Variants in ABHD12 observed in about 807,000 individuals in gnomAD.
ABHD12 encodes abhydrolase domain containing 12, lysophospholipase, also known as lysophosphatidylserine lipase ABHD12.
In ABHD12, 43 loss-of-function variants were observed where a neutral mutation model predicts 58.3. The observed-to-expected ratio is 0.74, with a 90% CI of 0.58 to 0.95. The LOEUF is 0.95. Ranked by LOEUF, ABHD12 falls within the 40% of genes least tolerant of loss-of-function variation. The pLI, the probability that ABHD12 is intolerant of heterozygous loss-of-function variation, is 0.00. For synonymous variants in ABHD12, 219 were observed against 211.2 expected (o/e 1.04, Z -0.32); for missense variants, 539 against 537.2 (o/e 1.00, Z -0.03).
At chr20:25,324,912 C>G (rs1042211324) in intron 2 of ABHD12, among the ~76,000 whole-genome samples, 28 of 152,140 alleles carry the variant, frequency 1.8e-4, no homozygotes, top group Non-Finnish European at 3.2e-4. Flanking sequence ...TCCAGCTGAG[C>G]CAGGCTGCAC....
chr20:25,309,217 C>T (rs868335654), intron 7 of ABHD12, among the ~76,000 whole-genome samples: 2 of 152,152 alleles, frequency 1.3e-5, no homozygotes, highest in Admixed American at 6.5e-5. Flanking sequence ...ACCCCTCGAC[C>T]TCCACTGCCT....
At chr20:25,304,096 C>A (rs2088690608) in intron 10 of ABHD12, among the ~76,000 whole-genome samples, 1 of 152,248 alleles carries the variant, frequency 6.6e-6, no homozygotes, top group Non-Finnish European at 1.5e-5. Context: ...CTTCAGCAAA[C>A]CACATAACAG....
chr20:25,299,006 T>A (rs1262624592), downstream of ABHD12, among the ~76,000 whole-genome samples: 6 of 152,172 alleles, frequency 3.9e-5, no homozygotes, highest in Admixed American at 6.5e-5. Context: ...GCACCCTGGG[T>A]AGGGCACTTG....
At chr20:25,308,922 G>C (rs2088797512) in intron 7 of ABHD12, among the ~76,000 whole-genome samples, 1 of 152,186 alleles carries the variant, frequency 6.6e-6, no homozygotes, top group African/African-American at 2.4e-5. Context: ...CTCCTCTCCT[G>C]ATGCTTCCCA....
chr20:25,327,428 T>C (rs1347678798), intron 2 of ABHD12, among the ~76,000 whole-genome samples: 5 of 151,246 alleles, frequency 3.3e-5, no homozygotes, highest in African/African-American at 4.9e-5. Context: ...GATCACGCCA[T>C]TGCACTTCAG....
At chr20:25,296,918 T>C (rs1476822306), downstream of ABHD12, 2 of 179,272 alleles carry the variant, frequency 1.1e-5, no homozygotes, top group African/African-American at 2.4e-5. Context: ...GTGGCCATAG[T>C]GAAGCCTGGG....
At chr20:25,349,079 G>A (rs2089561582) in intron 1 of ABHD12, among the ~76,000 whole-genome samples, 1 of 139,002 alleles carries the variant, frequency 7.2e-6, no homozygotes, top group Non-Finnish European at 1.5e-5. Context: ...GCGAGACTCC[G>A]TCTCAAAAAA....
chr20:25,334,899 G>A (rs563231760), intron 2 of ABHD12, among the ~76,000 whole-genome samples: 1 of 151,234 alleles, frequency 6.6e-6, no homozygotes, highest in South Asian at 2.1e-4. Context: ...GCATGGGCAA[G>A]GACTTCATGT....
At chr20:25,372,394 C>A (rs897365418) in intron 1 of ABHD12, among the ~76,000 whole-genome samples, 2 of 152,088 alleles carry the variant, frequency 1.3e-5, no homozygotes, top group Non-Finnish European at 2.9e-5. Context: ...TAAAACATAG[C>A]CAGTTTGGCT....
intron 2 of ABHD12, among the ~76,000 whole-genome samples, chr20:25,333,254 C>T (rs1394529955): frequency 8.7e-6 from 1 of 115,048 alleles, no homozygotes; most frequent in East Asian, 1.9e-4. Context: ...AAGACTAAAC[C>T]AGGAAGAAAT....
intron 1 of ABHD12, among the ~76,000 whole-genome samples, chr20:25,347,336 C>G (rs924799858): frequency 2.6e-5 from 4 of 152,214 alleles, no homozygotes; most frequent in Non-Finnish European, 4.4e-5. Flanking sequence ...CTCTCCTGGA[C>G]TGCAACCATT....
intron 1 of ABHD12, among the ~76,000 whole-genome samples, chr20:25,369,916 T>C (rs2089876883): frequency 8.1e-6 from 1 of 122,930 alleles, no homozygotes; most frequent in Non-Finnish European, 1.6e-5. Context: ...CCTGTTTCTC[T>C]GTCTCTGTTA....
intron 1 of ABHD12, among the ~76,000 whole-genome samples, chr20:25,346,450 T>C (rs1372920263): frequency 6.6e-6 from 1 of 152,152 alleles, no homozygotes; most frequent in Non-Finnish European, 1.5e-5. Context: ...GAGTGAACCC[T>C]ACTTAATGCA....
chr20:25,327,090 C>A (rs1223876608), intron 2 of ABHD12, among the ~76,000 whole-genome samples: 2 of 152,234 alleles, frequency 1.3e-5, no homozygotes, highest in Non-Finnish European at 2.9e-5. Context: ...CCCCACTACA[C>A]CCCTGGCCAG....
In ABHD12 at chr20:25,362,313, A is replaced by G. The variant is rs113842608; in HGVS notation, c.192-22962T>C. 6.9e-3 allele frequency among the ~76,000 whole-genome samples: 1,050 copies of G among 152,000 alleles called. 5 individuals are homozygous for G. Among genetic ancestry groups the G allele is most frequent in the Middle Eastern group, 0.02 (6 of 294 alleles). On this transcript the variant is annotated intron_variant, in intron 1 of 12. Coordinates refer to ENST00000339157, the MANE Select transcript of ABHD12 (RefSeq NM_001042472.3). ...GAAAAGGCCGGGCACAGTGGCTTAC[A>G]ATCCCAGCACTTTGGGAGGCCCAGC...
At chr20:25,306,671 G>A (rs867397650) in intron 10 of ABHD12, among the ~76,000 whole-genome samples, 162 bp downstream of exon 10, 17 of 152,216 alleles carry the variant, frequency 1.1e-4, no homozygotes, top group Non-Finnish European at 1.8e-4. Flanking sequence ...TGTGAACCAC[G>A]GTCCCTAGCA....
At chr20:25,316,068 G>GA (rs1271003967) in intron 5 of ABHD12, among the ~76,000 whole-genome samples, 1 of 152,104 alleles carries the variant, frequency 6.6e-6, no homozygotes, top group Non-Finnish European at 1.5e-5. Context: ...TGTGTGCCTG[G>GA]AAGCTGATTC....
intron 2 of ABHD12, among the ~76,000 whole-genome samples, chr20:25,335,228 G>A (rs1410243340): frequency 6.6e-5 from 10 of 152,300 alleles, no homozygotes; most frequent in South Asian, 4.1e-4. Context: ...ACTGGCCATT[G>A]GAGAAATGCA....
intron 1 of ABHD12, among the ~76,000 whole-genome samples, chr20:25,373,825 C>A (rs2089928325): frequency 6.6e-6 from 1 of 152,170 alleles, no homozygotes; most frequent in Non-Finnish European, 1.5e-5. Context: ...TTTCTGGCCA[C>A]TATTTCTTCA....
Sources: gnomAD v4.1 joint callset for allele counts (sites outside exome capture counted in the v4.1 genomes callset) on GRCh38, gnomAD v4.1.1 for gene constraint, MANE v1.5 for transcripts, NCBI Gene and HGNC (gene_info 2026-07-23, HGNC 2026-07-21) for gene names.